The following TMEM132C variants were observed in gnomAD, a reference collection of about 807,000 sequenced individuals.
The protein encoded by TMEM132C is protein phosphatase 1, regulatory subunit 152.
In TMEM132C, 29 loss-of-function variants were observed where a neutral mutation model predicts 61.4. The observed-to-expected ratio is 0.47, with a 90% CI of 0.35 to 0.64. The LOEUF is 0.64. TMEM132C is among the 30% of genes least tolerant of loss of function. The pLI, the probability that TMEM132C is intolerant of heterozygous loss-of-function variation, is 0.00. For missense variants in TMEM132C, 1,408 were observed against 1,476.9 expected (o/e 0.95, Z 0.76); for synonymous variants, 656 against 633.1 (o/e 1.04, Z -0.54).
intron 1 of TMEM132C, among the ~76,000 whole-genome samples, chr12:128,270,685 T>TA (rs1476175065): frequency 4.6e-5 from 7 of 152,224 alleles, no homozygotes; most frequent in Non-Finnish European, 1.0e-4. Flanking sequence ...TGCATACACT[T>TA]ACATGTGTAC....
chr12:128,706,123 A>G lies in TMEM132C; in HGVS notation c.3155A>G (p.Lys1052Arg), dbSNP rs1282990829. The G allele has an allele frequency of 3.2e-6, 5 of 1,551,748 alleles. No homozygotes were observed. In the East Asian group the frequency reaches 1.2e-4, roughly 38 times the overall value. Residue 1052 changes from lysine (K) to arginine (R), a missense_variant, in exon 9 of 9, where the codon AAG becomes AGG. Lys to Arg is a conservative substitution (Grantham distance 26, BLOSUM62 2). Coordinates refer to ENST00000435159, the MANE Select transcript of TMEM132C (RefSeq NM_001136103.3). ...DPLHSPTSKRKKVKFTTFTTI... is the reference protein window; with the variant it reads ...DPLHSPTSKRRKVKFTTFTTI... ...CTGCACTCGCCCACCTCCAAGAGGA[A>G]GAAGGTGAAATTTACCACCTTTACC...
At chr12:128,399,442 T>C (rs1875072944) in intron 1 of TMEM132C, among the ~76,000 whole-genome samples, 1 of 152,178 alleles carries the variant, frequency 6.6e-6, no homozygotes, top group Non-Finnish European at 1.5e-5. Context: ...TCTCAAACCA[T>C]ATGCTATGTG....
At chr12:128,512,614 T>G (rs1265931967) in intron 2 of TMEM132C, among the ~76,000 whole-genome samples, 1 of 152,148 alleles carries the variant, frequency 6.6e-6, no homozygotes, top group Non-Finnish European at 1.5e-5. Flanking sequence ...CTGTTGGGTA[T>G]GGGTAGAGTT....
At chr12:128,457,375 C>T (rs1032013779) in intron 2 of TMEM132C, among the ~76,000 whole-genome samples, 3 of 150,946 alleles carry the variant, frequency 2.0e-5, no homozygotes, top group Non-Finnish European at 2.9e-5. Flanking sequence ...AGATCAAGAC[C>T]ATCCTGGCTA....
intron 2 of TMEM132C, among the ~76,000 whole-genome samples, chr12:128,464,118 G>C (rs896908994): frequency 1.3e-5 from 2 of 152,216 alleles, no homozygotes; most frequent in Non-Finnish European, 2.9e-5. Flanking sequence ...ATCTCCTGAT[G>C]TCACGTCAGG....
At chr12:128,650,748 GCT>G (rs1954260176) in intron 4 of TMEM132C, among the ~76,000 whole-genome samples, 1 of 152,062 alleles carries the variant, frequency 6.6e-6, no homozygotes, top group Admixed American at 6.6e-5. Context: ...AAAAGTCATT[GCT>G]GGCCCACATT....
At chr12:128,301,893 A>T (rs140504146) in intron 1 of TMEM132C, among the ~76,000 whole-genome samples, 28 of 152,356 alleles carry the variant, frequency 1.8e-4, no homozygotes, top group East Asian at 7.7e-4. Context: ...CAAAAGGCAC[A>T]TCTTACATGG....
chr12:128,374,738 A>G (rs12824262), intron 1 of TMEM132C, among the ~76,000 whole-genome samples: 114,879 of 151,612 alleles, frequency 0.76, 45,659 homozygotes, highest in Non-Finnish European at 0.89. Flanking sequence ...TGGCCAAGAC[A>G]GTGAAACCCC....
intron 1 of TMEM132C, among the ~76,000 whole-genome samples, chr12:128,352,262 G>A (rs1172480832): frequency 1.3e-5 from 2 of 152,162 alleles, no homozygotes; most frequent in Non-Finnish European, 2.9e-5. Context: ...GCAGAAGGGG[G>A]AGCAAACATG....
At chr12:128,270,365 T>C (rs553464197) in intron 1 of TMEM132C, among the ~76,000 whole-genome samples, 23 of 152,126 alleles carry the variant, frequency 1.5e-4, no homozygotes, top group African/African-American at 5.5e-4. Flanking sequence ...GCGTCTGGAG[T>C]TGCAGCCTGT....
chr12:128,281,732 G>A (rs1231448533), intron 1 of TMEM132C, among the ~76,000 whole-genome samples: 10 of 152,108 alleles, frequency 6.6e-5, no homozygotes, highest in East Asian at 3.9e-4. Flanking sequence ...TTCCCCACTC[G>A]CTCCTTGTTT....
At chr12:128,304,813 A>G (rs868043075) in intron 1 of TMEM132C, among the ~76,000 whole-genome samples, 11 of 152,308 alleles carry the variant, frequency 7.2e-5, no homozygotes, top group Middle Eastern at 6.8e-3. Context: ...TCAGAGGTGG[A>G]TAAAGGTGCA....
At chr12:128,343,542 G>A (rs547774309) in intron 1 of TMEM132C, among the ~76,000 whole-genome samples, 30 of 151,918 alleles carry the variant, frequency 2.0e-4, no homozygotes, top group Non-Finnish European at 2.9e-4. Context: ...ATCTTATCCT[G>A]TTGTTGAGGA....
At chr12:128,297,492 A>G (rs952991210) in intron 1 of TMEM132C, among the ~76,000 whole-genome samples, 2 of 152,184 alleles carry the variant, frequency 1.3e-5, no homozygotes, top group Non-Finnish European at 2.9e-5. Flanking sequence ...TCCTTGGGAT[A>G]GTGACTGTCT....
intron 3 of TMEM132C, among the ~76,000 whole-genome samples, chr12:128,605,850 C>T (rs1021007602): frequency 2.0e-5 from 3 of 152,190 alleles, no homozygotes; most frequent in Non-Finnish European, 4.4e-5. Context: ...TGTCAGGTTC[C>T]TTGATCTTTT....
At chr12:128,357,237 A>G (rs537089368) in intron 1 of TMEM132C, among the ~76,000 whole-genome samples, 48 of 152,228 alleles carry the variant, frequency 3.2e-4, no homozygotes, top group African/African-American at 1.1e-3. Context: ...CCTGGCTGTC[A>G]TCCCGTCCTA....
chr12:128,296,793 CTTTAA>C (rs1871429379), intron 1 of TMEM132C, among the ~76,000 whole-genome samples: 1 of 151,144 alleles, frequency 6.6e-6, no homozygotes, highest in African/African-American at 2.5e-5. Context: ...TGATGCATTT[CTTTAA>C]TTTAGCAAAA....
chr12:128,422,973 CATAACTGAA>C (rs1264721205), intron 2 of TMEM132C, among the ~76,000 whole-genome samples: 1 of 152,146 alleles, frequency 6.6e-6, no homozygotes, highest in Non-Finnish European at 1.5e-5. Flanking sequence ...GTCCCTCAAA[CATAACTGAA>C]AATAGAACAG....
intron 3 of TMEM132C, among the ~76,000 whole-genome samples, chr12:128,545,915 TAAAG>T (rs199686647): frequency 0.016 from 2,429 of 152,286 alleles, 61 homozygotes; most frequent in African/African-American, 0.056. Flanking sequence ...GGATTGGTAT[TAAAG>T]AAAGAAATAG....
Sources: gnomAD v4.1 joint callset for allele counts (sites outside exome capture counted in the v4.1 genomes callset) on GRCh38, gnomAD v4.1.1 for gene constraint, MANE v1.5 for transcripts, NCBI Gene and HGNC (gene_info 2026-07-23, HGNC 2026-07-21) for gene names.